Variants in GDPD4 observed in about 807,000 individuals in gnomAD.
GDPD4 encodes glycerophosphodiester phosphodiesterase domain containing 4.
A neutral mutation model predicts 67.8 loss-of-function variants in GDPD4; 60 were observed. The observed-to-expected ratio is 0.88, with a 90% CI of 0.72 to 1.10. The LOEUF is 1.10. Among genes scored for constraint, GDPD4 ranks in the 50% least tolerant of loss-of-function variants. The probability of loss-of-function intolerance (pLI) is 0.00; values close to 1 mark genes in which losing one functional copy is unlikely to be tolerated. For synonymous variants in GDPD4, 212 were observed against 210.9 expected (o/e 1.00, Z -0.04); for missense variants, 623 against 613.9 (o/e 1.01, Z -0.16).
chr11:77,300,235 T>A (rs898305161), intron 1 of GDPD4, among the ~76,000 whole-genome samples: 3 of 151,996 alleles, frequency 2.0e-5, no homozygotes, highest in Admixed American at 6.5e-5. Flanking sequence ...TTGGAATTAG[T>A]TTAGCCTGTG....
At chr11:77,252,006 T>C (rs926310887) in intron 11 of GDPD4, among the ~76,000 whole-genome samples, 1 of 152,064 alleles carries the variant, frequency 6.6e-6, no homozygotes, top group African/African-American at 2.4e-5. Flanking sequence ...TTTTGGTACT[T>C]GAATTATTCA....
intron 13 of GDPD4, among the ~76,000 whole-genome samples, chr11:77,236,059 C>CA (rs1228238454): frequency 1.3e-5 from 2 of 149,364 alleles, no homozygotes; most frequent in Non-Finnish European, 3.0e-5. Context: ...AAGGAGTGAT[C>CA]AAAAAACCCC....
intron 1 of GDPD4, among the ~76,000 whole-genome samples, chr11:77,296,290 T>C (rs1008556982): frequency 1.3e-4 from 19 of 149,438 alleles, no homozygotes; most frequent in African/African-American, 4.7e-4. Flanking sequence ...TTCTTGTAAG[T>C]ATATGAATTG....
At chr11:77,255,985 G>A (rs1170969325) in intron 11 of GDPD4, among the ~76,000 whole-genome samples, 1 of 152,042 alleles carries the variant, frequency 6.6e-6, no homozygotes, top group Non-Finnish European at 1.5e-5. Context: ...TAAATTCATG[G>A]TTCCCACATG....
chr11:77,272,613 T>C (rs991076771), intron 5 of GDPD4, among the ~76,000 whole-genome samples: 40 of 152,140 alleles, frequency 2.6e-4, no homozygotes, highest in African/African-American at 8.9e-4. Context: ...CCATCTCTAC[T>C]AAAAATACAA....
intron 3 of GDPD4, among the ~76,000 whole-genome samples, chr11:77,281,938 T>C (rs1009641185): frequency 2.0e-5 from 3 of 152,088 alleles, no homozygotes; most frequent in Admixed American, 1.3e-4. Context: ...AAAAAGATTC[T>C]AGATGAAAGA....
rs192127424 is a variant in GDPD4 at position 77,289,299 on chromosome 11, G to A, written c.-253-1879C>T. ...AATCACTTGAACCTGGAAGGCGGAG[G>A]TTGCAGTGAGCCAAGATCGCACCAC... On this transcript the variant is annotated intron_variant, in intron 1 of 16. Coordinates refer to ENST00000315938, the MANE Select transcript of GDPD4 (RefSeq NM_182833.3). 2.1e-3 allele frequency among the ~76,000 whole-genome samples: 317 copies of A among 150,248 alleles called. 3 individuals carry two copies. Among genetic ancestry groups the A allele is most frequent in the African/African-American group, 7.4e-3 (303 of 40,880 alleles).
At chr11:77,300,228 G>C (rs545462412) in intron 1 of GDPD4, among the ~76,000 whole-genome samples, 36 of 152,064 alleles carry the variant, frequency 2.4e-4, no homozygotes, top group South Asian at 1.0e-3. Context: ...TAGCCAATTG[G>C]AATTAGTTTA....
At chr11:77,238,298 G>A (rs1020881824) in intron 13 of GDPD4, among the ~76,000 whole-genome samples, 5 of 152,092 alleles carry the variant, frequency 3.3e-5, no homozygotes, top group South Asian at 2.1e-4. Flanking sequence ...AAAATTTTAT[G>A]TTAGGCTGGG....
Position 77,217,334 on chromosome 11 carries a change from C to A in GDPD4, c.1526-20G>T, listed in dbSNP as rs757242536. The A allele has an allele frequency of 6.3e-7, 1 of 1,584,508 alleles. No homozygotes were observed. The highest frequency in any genetic ancestry group is 8.7e-7 in the Non-Finnish European group (1 of 1,153,042). On this transcript the variant is annotated intron_variant, in intron 16 of 16. Transcript: ENST00000315938. Reference sequence around the variant, plus strand: ...GAGTATCTGTGGGATGGAAAAGACACAGATTCCTCAAATGTCACTTCTCCA... The same window carrying A: ...GAGTATCTGTGGGATGGAAAAGACAAAGATTCCTCAAATGTCACTTCTCCA...
chr11:77,279,257 C>CAT (rs1321011680), intron 4 of GDPD4, 49 bp downstream of exon 4: 1 of 1,196,202 alleles, frequency 8.4e-7, no homozygotes, highest in African/African-American at 1.5e-5. Context: ...AGGAACACCT[C>CAT]ATCAGGCTAC....
rs1325191871 is a variant in GDPD4, at chr11:77,245,315, C to T, written c.1052G>A (p.Ser351Asn). ...LRHTFVRQVVSVILASKIEQH... is the reference protein window; with the variant it reads ...LRHTFVRQVVNVILASKIEQH... ...CTCGATTTTAGAGGCAAGGATCACG[C>T]TTACTACTTGGCGGACAAATGTGTG... The change falls in exon 12 of 17, where the codon AGC becomes AAC. Residue 351 changes from serine (S) to asparagine (N), a missense_variant. By Grantham distance (46) the Ser-to-Asn change is conservative (BLOSUM62 1). Transcript: ENST00000315938. The T allele has an allele frequency of 3.7e-6, 6 of 1,614,130 alleles. No homozygotes were observed. The highest frequency in any genetic ancestry group is 2.2e-5 in the South Asian group (2 of 91,078).
Position 77,254,217 on chromosome 11 carries a change from G to A in GDPD4, c.864+4169C>T, listed in dbSNP as rs114011424. ...GGGCTTAGGGCCTGTGAGGACTGCA[G>A]GGGACCCCAATAGGGGTCCAAGCTG... is the stretch of plus-strand genomic sequence containing the variant. On this transcript the variant is annotated intron_variant, in intron 11 of 16. Transcript: ENST00000315938. Among the ~76,000 whole-genome samples the A allele has an allele frequency of 5.0e-3, 757 of 152,266 alleles. 4 individuals carry two copies. Among genetic ancestry groups the A allele is most frequent in the African/African-American group, 0.017 (724 of 41,544 alleles).
chr11:77,249,048 C>T (rs916953370), intron 11 of GDPD4, among the ~76,000 whole-genome samples: 1 of 151,670 alleles, frequency 6.6e-6, no homozygotes, highest in African/African-American at 2.4e-5. Context: ...TGGCAGATCA[C>T]AAGGTCAAGA....
chr11:77,272,742 C>T (rs531833130), intron 5 of GDPD4, among the ~76,000 whole-genome samples: 29 of 151,724 alleles, frequency 1.9e-4, no homozygotes, highest in African/African-American at 6.5e-4. Context: ...CACCACTGCA[C>T]TCCAGCCTGA....
chr11:77,220,570 AGATT>A (rs1958206948), intron 16 of GDPD4, among the ~76,000 whole-genome samples: 2 of 152,152 alleles, frequency 1.3e-5, no homozygotes, highest in African/African-American at 4.8e-5. Context: ...TGATCTTGGT[AGATT>A]AGCTTTTTGA....
intron 11 of GDPD4, 151 bp downstream of exon 11, chr11:77,258,235 C>T (rs551895541): frequency 1.3e-4 from 86 of 686,366 alleles, no homozygotes; most frequent in Non-Finnish European, 1.9e-4. Flanking sequence ...TGAAAAAGCC[C>T]TCCTGCCAAT....
At chr11:77,282,645 T>A (rs537691576) in intron 3 of GDPD4, among the ~76,000 whole-genome samples, 1 of 150,642 alleles carries the variant, frequency 6.6e-6, no homozygotes, top group African/African-American at 2.4e-5. Flanking sequence ...GATCATCATA[T>A]CACTGCACTC....
chr11:77,278,201 C>T (rs1035218259), intron 4 of GDPD4, among the ~76,000 whole-genome samples: 1 of 152,100 alleles, frequency 6.6e-6, no homozygotes, highest in Non-Finnish European at 1.5e-5. Flanking sequence ...TATGATCCAC[C>T]CGCCTCGGCC....
Sources: gnomAD v4.1 joint callset for allele counts (sites outside exome capture counted in the v4.1 genomes callset) on GRCh38, gnomAD v4.1.1 for gene constraint, MANE v1.5 for transcripts, NCBI Gene and HGNC (gene_info 2026-07-23, HGNC 2026-07-21) for gene names.